UCK2: variants seen among roughly 807,000 people sequenced by gnomAD.
The protein encoded by UCK2 is cytidine monophosphokinase 2.
In UCK2, 6 loss-of-function variants were observed where a neutral mutation model predicts 30.8. The observed-to-expected ratio is 0.19, with a 90% CI of 0.11 to 0.38. The LOEUF is 0.38. UCK2 is among the 10% of genes least tolerant of loss of function. UCK2 has a pLI of 1.00. For missense variants in UCK2, 210 were observed against 339.8 expected, an observed-to-expected ratio of 0.62 and a Z score of 3.00; for synonymous variants, 125 against 133.6, an observed-to-expected ratio of 0.94 and a Z score of 0.45.
intron 1 of UCK2, among the ~76,000 whole-genome samples, chr1:165,864,289 C>T (rs1438594082): frequency 6.6e-6 from 1 of 152,196 alleles, no homozygotes; most frequent in Non-Finnish European, 1.5e-5. Context: ...CATGACTCCA[C>T]CAGGTCCTAG....
Position 165,827,818 on chromosome 1 carries a change from A to T in UCK2, c.-16A>T. The T allele has an allele frequency of 7.1e-7, 1 of 1,411,804 alleles. No homozygotes were observed. The highest frequency in any genetic ancestry group is 9.3e-7 in the Non-Finnish European group (1 of 1,072,384). The allele number at this position is 1,411,804 out of a possible 1,614,324, so 87.5% of individuals were successfully genotyped here. A position where few individuals can be genotyped will look rare whatever the true frequency, so the allele number is the denominator to read the frequency against. ...GTCCGTTCGCACAGGCAGCGGGAGGAGGGGCGGCGCGAACCATGGCCGGGG... is the reference window on the plus strand; with the variant it reads ...GTCCGTTCGCACAGGCAGCGGGAGGTGGGGCGGCGCGAACCATGGCCGGGG... On this transcript the variant is annotated 5_prime_UTR_variant, in exon 1 of 7. Transcript: ENST00000367879.
At chr1:165,868,330 C>T (rs1247668368) in intron 1 of UCK2, among the ~76,000 whole-genome samples, 1 of 152,190 alleles carries the variant, frequency 6.6e-6, no homozygotes, top group Non-Finnish European at 1.5e-5. Context: ...GTTGCATTAG[C>T]CTCTAACAAG....
intron 6 of UCK2, among the ~76,000 whole-genome samples, chr1:165,906,706 A>G (rs485338): frequency 0.45 from 67,745 of 152,132 alleles, 16,061 homozygotes; most frequent in African/African-American, 0.62. Flanking sequence ...TCTAGGAAGT[A>G]TGAATGTCTC....
At chr1:165,894,479 TG>T (rs1456030840) in intron 3 of UCK2, 1 of 152,228 alleles carries the variant, frequency 6.6e-6, no homozygotes, top group Non-Finnish European at 1.5e-5. Context: ...TTCTCTACCC[TG>T]GCTGCATGTT....
intron 1 of UCK2, among the ~76,000 whole-genome samples, chr1:165,839,940 G>A (rs909833306): frequency 1.3e-5 from 2 of 149,080 alleles, no homozygotes; most frequent in African/African-American, 4.9e-5. Flanking sequence ...CCCGGCCCCC[G>A]CCCCAGACAG....
At chr1:165,831,633 A>G (rs780396602) in intron 1 of UCK2, among the ~76,000 whole-genome samples, 23 of 152,192 alleles carry the variant, frequency 1.5e-4, no homozygotes, top group Non-Finnish European at 2.8e-4. Flanking sequence ...CTTCCTTAGG[A>G]ATAGCTCTGG....
chr1:165,867,112 GCATTATGT>G (rs1458395437), intron 1 of UCK2, among the ~76,000 whole-genome samples: 1 of 152,186 alleles, frequency 6.6e-6, no homozygotes, highest in Non-Finnish European at 1.5e-5. Flanking sequence ...ATATGCAGTA[GCATTATGT>G]CTAAAAAAAT....
intron 1 of UCK2, among the ~76,000 whole-genome samples, chr1:165,885,618 A>G (rs563047888): frequency 1.3e-5 from 2 of 152,258 alleles, no homozygotes; most frequent in South Asian, 4.1e-4. Flanking sequence ...ATGAAGCTGA[A>G]CTCACGCTCC....
chr1:165,890,233 C>A lies in UCK2; in HGVS notation c.129C>A (p.Leu43=). The part of the protein sequence containing the change: ...KSSVCAKIVQ[L]LGQNEVDYRQ... ...CCGTGTGTGCTAAGATCGTGCAGCT[C>A]CTGGGGCAGAATGAGGTGGACTATC... Residue 43 remains leucine, a synonymous_variant, in exon 2 of 7, where the codon CTC becomes CTA. Coordinates refer to ENST00000367879, the MANE Select transcript of UCK2 (RefSeq NM_012474.5). The A allele has an allele frequency of 6.2e-7, 1 of 1,614,086 alleles. No homozygotes were observed.
intron 1 of UCK2, among the ~76,000 whole-genome samples, chr1:165,889,328 G>A (rs568030077): frequency 2.6e-5 from 4 of 152,218 alleles, no homozygotes; most frequent in Non-Finnish European, 4.4e-5. Context: ...TTTTGGTTCC[G>A]TTGATATAAA....
chr1:165,828,995 G>T (rs925294243), intron 1 of UCK2, among the ~76,000 whole-genome samples: 3 of 152,188 alleles, frequency 2.0e-5, no homozygotes, highest in African/African-American at 7.2e-5. Flanking sequence ...AGCAGAGCAG[G>T]AAGGCTGGTT....
At chr1:165,902,961 A>G in intron 4 of UCK2, 2 of 395,524 alleles carry the variant, frequency 5.1e-6, no homozygotes, top group Non-Finnish European at 9.2e-6. Context: ...TTCAAAGAGC[A>G]TTGTGTCATT....
At chr1:165,893,055 T>C (rs761074918) in intron 3 of UCK2, among the ~76,000 whole-genome samples, 3 of 152,132 alleles carry the variant, frequency 2.0e-5, no homozygotes, top group Non-Finnish European at 2.9e-5. Context: ...GGAAAGGTCA[T>C]TGTGGTGGCA....
At chr1:165,843,416 C>G (rs1031864820) in intron 1 of UCK2, among the ~76,000 whole-genome samples, 1 of 152,116 alleles carries the variant, frequency 6.6e-6, no homozygotes, top group Non-Finnish European at 1.5e-5. Context: ...TTCAAGAAGT[C>G]GTTAGGCCAC....
chr1:165,901,316 A>G (rs1647454871), intron 4 of UCK2, among the ~76,000 whole-genome samples: 1 of 152,208 alleles, frequency 6.6e-6, no homozygotes, highest in African/African-American at 2.4e-5. Context: ...GAATGGCAGC[A>G]TCATTAGTGC....
chr1:165,875,036 A>G (rs1358711846), intron 1 of UCK2, among the ~76,000 whole-genome samples: 1 of 116,274 alleles, frequency 8.6e-6, no homozygotes, highest in South Asian at 2.7e-4. Context: ...CAACTGAGTT[A>G]CCAAAAAAAA....
intron 1 of UCK2, among the ~76,000 whole-genome samples, chr1:165,863,415 T>G (rs537937233): frequency 4.6e-5 from 7 of 152,236 alleles, no homozygotes; most frequent in African/African-American, 1.7e-4. Context: ...GTATTATTGT[T>G]TCCTGATTTT....
intron 1 of UCK2, among the ~76,000 whole-genome samples, chr1:165,850,068 C>T (rs1654549332): frequency 6.6e-6 from 1 of 152,120 alleles, no homozygotes; most frequent in South Asian, 2.1e-4. Flanking sequence ...AAGACACCTT[C>T]CTTAGATCTA....
At chr1:165,828,442 TC>T (rs1479463663) in intron 1 of UCK2, among the ~76,000 whole-genome samples, 2 of 152,122 alleles carry the variant, frequency 1.3e-5, no homozygotes, top group East Asian at 3.9e-4. Flanking sequence ...CGAGGCGGCA[TC>T]CCGGGGAAGG....
Sources: allele counts gnomAD v4.1 joint callset (sites outside exome capture counted in the v4.1 genomes callset), GRCh38; gene constraint gnomAD v4.1.1; transcripts MANE v1.5; gene names NCBI Gene and HGNC (gene_info 2026-07-23, HGNC 2026-07-21).